Variants in ELAVL2 observed in about 807,000 individuals in gnomAD.
The protein encoded by ELAVL2 is ELAV like RNA binding protein 2.
A neutral mutation model predicts 34.6 loss-of-function variants in ELAVL2; 4 were observed. The ratio of observed to expected loss-of-function variants is 0.12; its 90% CI spans 0.06 to 0.26. The LOEUF (loss-of-function observed/expected upper bound fraction) is 0.26, where lower values mean the gene tolerates loss of function less well. Among genes scored for constraint, ELAVL2 ranks in the 10% least tolerant of loss-of-function variants. ELAVL2 has a pLI of 1.00. For missense variants in ELAVL2, 432 were observed against 442.8 expected, an observed-to-expected ratio of 0.98 and a Z score of 0.22; for synonymous variants, 193 against 154.8, an observed-to-expected ratio of 1.25 and a Z score of -1.83.
At chr9:23,749,677 T>C (rs1035644858) in intron 2 of ELAVL2, among the ~76,000 whole-genome samples, 4 of 152,092 alleles carry the variant, frequency 2.6e-5, no homozygotes, top group African/African-American at 7.2e-5. Context: ...AACGTGACTT[T>C]TGGGATATTG....
At chr9:23,722,399 T>TG (rs2043966077) in intron 3 of ELAVL2, among the ~76,000 whole-genome samples, 1 of 152,230 alleles carries the variant, frequency 6.6e-6, no homozygotes, top group Non-Finnish European at 1.5e-5. Context: ...CTCACTTATC[T>TG]GCTAAGTATG....
chr9:23,835,820 T>G, the ELAVL2 span, among the ~76,000 whole-genome samples: 2 of 152,304 alleles, frequency 1.3e-5, no homozygotes, highest in African/African-American at 4.8e-5. Flanking sequence ...CTTAAACTTT[T>G]AGAGATCTAA....
At chr9:23,717,061 T>C (rs1428387074) in intron 3 of ELAVL2, among the ~76,000 whole-genome samples, 1 of 152,178 alleles carries the variant, frequency 6.6e-6, no homozygotes, top group African/African-American at 2.4e-5. Flanking sequence ...AGGAGAACAG[T>C]CAAAATCAGT....
At chr9:23,754,768 C>G (rs888992403) in intron 2 of ELAVL2, among the ~76,000 whole-genome samples, 1 of 152,146 alleles carries the variant, frequency 6.6e-6, no homozygotes, top group Non-Finnish European at 1.5e-5. Context: ...TGGCTGGCAT[C>G]AAGTATTATT....
chr9:23,715,565 A>T (rs1414604620), intron 3 of ELAVL2, among the ~76,000 whole-genome samples: 1 of 152,208 alleles, frequency 6.6e-6, no homozygotes, highest in Non-Finnish European at 1.5e-5. Flanking sequence ...GCTTGCAGAA[A>T]ATCAGATATA....
At chr9:23,714,906 A>G (rs970950737) in intron 3 of ELAVL2, among the ~76,000 whole-genome samples, 2 of 152,178 alleles carry the variant, frequency 1.3e-5, no homozygotes, top group South Asian at 2.1e-4. Flanking sequence ...TCGAGAGACT[A>G]AAAGAAAAAT....
chr9:23,700,351 T>C (rs1404772231), intron 5 of ELAVL2, among the ~76,000 whole-genome samples: 1 of 152,230 alleles, frequency 6.6e-6, no homozygotes. Flanking sequence ...CTCTCTGCTC[T>C]GCTTAACTTC....
chr9:23,806,081 T>G (rs2137864876), intron 1 of ELAVL2, among the ~76,000 whole-genome samples: 1 of 152,298 alleles, frequency 6.6e-6, no homozygotes, highest in Admixed American at 6.5e-5. Flanking sequence ...AAAGTCATCT[T>G]AAAATATTAT....
chr9:23,718,919 CCCT>C (rs1343957858), intron 3 of ELAVL2, among the ~76,000 whole-genome samples: 2 of 152,140 alleles, frequency 1.3e-5, no homozygotes, highest in African/African-American at 4.8e-5. Context: ...TGTATATTCC[CCCT>C]AACAGCTTTA....
chr9:23,743,470 T>C (rs1305366686), intron 2 of ELAVL2, among the ~76,000 whole-genome samples: 1 of 152,180 alleles, frequency 6.6e-6, no homozygotes, highest in Non-Finnish European at 1.5e-5. Flanking sequence ...AAAAGTAATG[T>C]GGCACCATCC....
intron 3 of ELAVL2, among the ~76,000 whole-genome samples, chr9:23,707,199 A>G (rs1462934671): frequency 2.0e-5 from 3 of 152,266 alleles, no homozygotes; most frequent in Non-Finnish European, 4.4e-5. Context: ...TGATTAATGT[A>G]ACTTAGATGG....
chr9:23,764,835 T>C (rs1380583750), intron 1 of ELAVL2, among the ~76,000 whole-genome samples: 1 of 152,136 alleles, frequency 6.6e-6, no homozygotes, highest in Non-Finnish European at 1.5e-5. Context: ...CATACACCAC[T>C]ACAGTTAAAA....
intron 1 of ELAVL2, among the ~76,000 whole-genome samples, chr9:23,823,663 T>C (rs1227992631): frequency 6.6e-6 from 1 of 152,234 alleles, no homozygotes; most frequent in Non-Finnish European, 1.5e-5. Flanking sequence ...GTTCATAGTC[T>C]GACAAATCTT....
chr9:23,774,998 T>C (rs574540435), intron 1 of ELAVL2, among the ~76,000 whole-genome samples: 1 of 152,316 alleles, frequency 6.6e-6, no homozygotes, highest in South Asian at 2.1e-4. Flanking sequence ...TCTCCTATCA[T>C]GATCTTCAAA....
intron 1 of ELAVL2, among the ~76,000 whole-genome samples, chr9:23,809,090 C>CTTCA (rs2062628685): frequency 6.6e-6 from 1 of 152,160 alleles, no homozygotes; most frequent in Non-Finnish European, 1.5e-5. Context: ...TTAACTTCTG[C>CTTCA]TTCATCCTGT....
At chr9:23,798,229 A>G (rs76164156) in intron 1 of ELAVL2, among the ~76,000 whole-genome samples, 3,595 of 152,316 alleles carry the variant, frequency 0.024, 210 homozygotes, top group Admixed American at 0.13. Context: ...TCATAATATT[A>G]GTGCAAAAAG....
intron 1 of ELAVL2, among the ~76,000 whole-genome samples, chr9:23,763,100 A>G (rs2055419393): frequency 6.6e-6 from 1 of 152,122 alleles, no homozygotes; most frequent in Non-Finnish European, 1.5e-5. Context: ...GTCAATGAAA[A>G]CAACAATGTA....
chr9:23,766,316 T>G (rs182787558), intron 1 of ELAVL2, among the ~76,000 whole-genome samples: 1 of 152,192 alleles, frequency 6.6e-6, no homozygotes, highest in Non-Finnish European at 1.5e-5. Context: ...AAACTACTTA[T>G]AGTTTAACTG....
At chr9:23,707,065 A>ATAGT (rs1392340239) in intron 3 of ELAVL2, among the ~76,000 whole-genome samples, 1 of 152,226 alleles carries the variant, frequency 6.6e-6, no homozygotes, top group Admixed American at 6.5e-5. Context: ...GGAATTTGGA[A>ATAGT]TAGTGGTGGA....
Sources: gnomAD v4.1 joint callset for allele counts (sites outside exome capture counted in the v4.1 genomes callset) on GRCh38, gnomAD v4.1.1 for gene constraint, MANE v1.5 for transcripts, NCBI Gene and HGNC (gene_info 2026-07-23, HGNC 2026-07-21) for gene names.